TRPM3: variants seen among roughly 807,000 people sequenced by gnomAD.
TRPM3 encodes the protein long transient receptor potential channel 3.
A neutral mutation model predicts 181.2 loss-of-function variants in TRPM3; 77 were observed. The observed-to-expected ratio is 0.42, with a 90% CI of 0.35 to 0.51. The LOEUF (loss-of-function observed/expected upper bound fraction) is 0.51. Among genes scored for constraint, TRPM3 ranks in the 20% least tolerant of loss-of-function variants. The pLI, the probability that TRPM3 is intolerant of heterozygous loss-of-function variation, is 0.01. For synonymous variants in TRPM3, 745 were observed against 796.4 expected, an observed-to-expected ratio of 0.94 and a Z score of 1.09; for missense variants, 1,759 against 2,196.7, an observed-to-expected ratio of 0.80 and a Z score of 3.98.
intron 9 of TRPM3, among the ~76,000 whole-genome samples, chr9:70,672,317 C>G (rs1013445831): frequency 1.3e-5 from 2 of 152,070 alleles, no homozygotes; most frequent in Admixed American, 1.3e-4. Flanking sequence ...AAAGATGTTT[C>G]CTTCTGATTG....
At chr9:71,235,956 C>A (rs2081329514) in intron 1 of TRPM3, among the ~76,000 whole-genome samples, 1 of 152,180 alleles carries the variant, frequency 6.6e-6, no homozygotes, top group South Asian at 2.1e-4. Flanking sequence ...TCATAACTTA[C>A]TTTATTTGTT....
intron 8 of TRPM3, among the ~76,000 whole-genome samples, chr9:70,688,584 GACTGC>G (rs2067616605): frequency 1.3e-5 from 2 of 152,208 alleles, no homozygotes; most frequent in East Asian, 3.9e-4. Flanking sequence ...ATCTCTTGCT[GACTGC>G]ACTCCCACCA....
At chr9:70,781,499 C>G (rs2082458214) in intron 7 of TRPM3, among the ~76,000 whole-genome samples, 1 of 151,550 alleles carries the variant, frequency 6.6e-6, no homozygotes, top group Admixed American at 6.6e-5. Flanking sequence ...TTTGGAATAC[C>G]AATAGTAATA....
chr9:70,886,854 G>A (rs537302936), intron 1 of TRPM3, among the ~76,000 whole-genome samples: 5 of 152,008 alleles, frequency 3.3e-5, no homozygotes, highest in African/African-American at 9.6e-5. Flanking sequence ...TAGTAGAAAC[G>A]GGGTTTCACC....
chr9:70,552,766 T>A, intron 24 of TRPM3, 78 bp downstream of exon 24: 2 of 1,481,012 alleles, frequency 1.4e-6, no homozygotes, highest in South Asian at 2.3e-5. Context: ...TAGGTGGGCA[T>A]GCGATTCTGC....
rs1588719106 is a variant in TRPM3 at position 70,578,105 on chromosome 9, G to C, written c.3223+12926C>G. ...CTGGCCCCAGTGAATGTTTAAAACT[G>C]TTTTCAATTTGGTTCAGTGGTGTTA... is the stretch of plus-strand genomic sequence containing the variant. On this transcript the variant is annotated intron_variant, in intron 22 of 25. Coordinates refer to ENST00000677713, the MANE Select transcript of TRPM3 (RefSeq NM_001366145.2). Among the ~76,000 whole-genome samples, 3 of 152,138 alleles carry C rather than the reference G, an allele frequency of 2.0e-5. No individual in the cohort carries two copies. The South Asian group carries it at 6.2e-4, about 32-fold the overall frequency.
intron 1 of TRPM3, among the ~76,000 whole-genome samples, chr9:71,139,245 T>G (rs1344884302): frequency 1.3e-5 from 2 of 152,180 alleles, no homozygotes; most frequent in African/African-American, 2.4e-5. Context: ...TCCCACTAGC[T>G]AAAGAGTACA....
chr9:71,188,970 G>T (rs1275076172), intron 1 of TRPM3, among the ~76,000 whole-genome samples: 1 of 151,806 alleles, frequency 6.6e-6, no homozygotes, highest in East Asian at 1.9e-4. Context: ...GAGGAAAAAG[G>T]TCTATTTTAC....
chr9:70,913,477 G>A (rs998190422), intron 1 of TRPM3, among the ~76,000 whole-genome samples: 14 of 152,116 alleles, frequency 9.2e-5, no homozygotes, highest in Non-Finnish European at 8.8e-5. Flanking sequence ...AGAAAGGAAG[G>A]CCATCAAGTT....
At chr9:70,553,435 G>C in intron 22 of TRPM3, 125 bp from the exon 23 acceptor site, 1 of 1,256,860 alleles carries the variant, frequency 8.0e-7, no homozygotes, top group Non-Finnish European at 1.1e-6. Flanking sequence ...ACAGAAAAAA[G>C]TTCCAAACAA....
At chr9:71,232,369 T>G (rs10868990) in intron 1 of TRPM3, among the ~76,000 whole-genome samples, 1 of 151,846 alleles carries the variant, frequency 6.6e-6, no homozygotes, top group Non-Finnish European at 1.5e-5. Context: ...CCAAGACACA[T>G]GCTATCAATG....
chr9:71,321,136 C>T (rs1364620590), intron 1 of TRPM3, among the ~76,000 whole-genome samples: 1 of 152,146 alleles, frequency 6.6e-6, no homozygotes, highest in Non-Finnish European at 1.5e-5. Flanking sequence ...AAGATGTATT[C>T]TCTGAGCCAG....
intron 1 of TRPM3, among the ~76,000 whole-genome samples, chr9:71,087,596 C>T (rs544805156): frequency 6.6e-6 from 1 of 152,114 alleles, no homozygotes; most frequent in African/African-American, 2.4e-5. Flanking sequence ...GGTGGGCCCT[C>T]AATATATTTG....
chr9:70,776,940 G>A (rs771934284), intron 7 of TRPM3, among the ~76,000 whole-genome samples: 3 of 152,202 alleles, frequency 2.0e-5, no homozygotes, highest in South Asian at 2.1e-4. Context: ...GTGCATCAAA[G>A]TCAGGATATT....
chr9:70,993,490 G>A (rs1355603832), intron 1 of TRPM3, among the ~76,000 whole-genome samples: 1 of 152,072 alleles, frequency 6.6e-6, no homozygotes, highest in Non-Finnish European at 1.5e-5. Context: ...CTATTGACTG[G>A]GATAATAATT....
chr9:70,842,860 T>C, intron 5 of TRPM3, 143 bp downstream of exon 5: 3 of 738,584 alleles, frequency 4.1e-6, no homozygotes, highest in Non-Finnish European at 6.2e-6. Flanking sequence ...TTTCCCAAGA[T>C]ACCATTCCTT....
chr9:71,073,274 A>C lies in TRPM3; in HGVS notation c.177+47904T>G, dbSNP rs1010872817. On this transcript the variant is annotated intron_variant, in intron 1 of 25. Coordinates refer to ENST00000677713, the MANE Select transcript of TRPM3 (RefSeq NM_001366145.2). ...GGAGGAGGAGAGGTGAGACTTGGAA[A>C]AACAGGCTTAATGCAAGACCCTAAA... Among the ~76,000 whole-genome samples the C allele has an allele frequency of 5.9e-5, 9 of 152,334 alleles. No homozygotes were observed. In the East Asian group the frequency reaches 1.4e-3, roughly 23 times the overall value.
chr9:70,889,367 G>T (rs1183008839), intron 1 of TRPM3, among the ~76,000 whole-genome samples: 1 of 152,180 alleles, frequency 6.6e-6, no homozygotes, highest in Admixed American at 6.5e-5. Context: ...GCACCAGGAT[G>T]AAAGCAAAAA....
chr9:70,586,959 C>T (rs2057242021), intron 22 of TRPM3, among the ~76,000 whole-genome samples: 1 of 151,844 alleles, frequency 6.6e-6, no homozygotes, highest in South Asian at 2.1e-4. Context: ...ACTTTAAATT[C>T]AGTCAACATC....
Sources: gnomAD v4.1 joint callset for allele counts (sites outside exome capture counted in the v4.1 genomes callset) on GRCh38, gnomAD v4.1.1 for gene constraint, MANE v1.5 for transcripts, NCBI Gene and HGNC (gene_info 2026-07-23, HGNC 2026-07-21) for gene names.